The following GPR137C variants were observed in gnomAD, a reference collection of about 807,000 sequenced individuals.
The protein encoded by GPR137C is G protein-coupled receptor 137C.
In GPR137C, 27 loss-of-function variants were observed where a neutral mutation model predicts 43.4. That is an observed-to-expected ratio of 0.62 (90% CI 0.46 to 0.86). The LOEUF (loss-of-function observed/expected upper bound fraction) is 0.86. Ranked by LOEUF, GPR137C falls within the 40% of genes least tolerant of loss-of-function variation. GPR137C has a pLI of 0.00. For missense variants in GPR137C, 522 were observed against 534.6 expected, an observed-to-expected ratio of 0.98 and a Z score of 0.23; for synonymous variants, 285 against 226.9, an observed-to-expected ratio of 1.26 and a Z score of -2.30.
In GPR137C at chr14:52,561,198, A is replaced by G. The variant is rs79103649; in HGVS notation, c.444+7607A>G. Among the ~76,000 whole-genome samples, 727 of 152,268 alleles carry G rather than the reference A, an allele frequency of 4.8e-3. 14 individuals are homozygous for G. Among genetic ancestry groups the G allele is most frequent in the Admixed American group, 0.039 (599 of 15,290 alleles). ...ATTTAAAAGACTAACCACACCAACT[A>G]TTGGCCAAAATGTGGATTAATTGGA... On this transcript the variant is annotated intron_variant, in intron 1 of 6. Transcript: ENST00000321662.
intron 1 of GPR137C, among the ~76,000 whole-genome samples, chr14:52,560,552 A>G (rs2139435803): frequency 6.6e-6 from 1 of 152,348 alleles, no homozygotes; most frequent in Non-Finnish European, 1.5e-5. Flanking sequence ...GCTGGGGAAA[A>G]GATAGACATA....
At chr14:52,611,520 T>C in intron 3 of GPR137C, 1 of 354,700 alleles carries the variant, frequency 2.8e-6, no homozygotes, top group Non-Finnish European at 3.9e-6. Flanking sequence ...TACAACCTCC[T>C]TTTGTTATTT....
chr14:52,575,255 C>T (rs2038533659), intron 1 of GPR137C, among the ~76,000 whole-genome samples: 1 of 152,104 alleles, frequency 6.6e-6, no homozygotes, highest in South Asian at 2.1e-4. Context: ...AATACTTCTA[C>T]ATGGTAGCAT....
chr14:52,633,451 C>A, intron 4 of GPR137C, 79 bp from the exon 5 acceptor site: 1 of 1,258,110 alleles, frequency 7.9e-7, no homozygotes, highest in Non-Finnish European at 1.1e-6. Context: ...TCTTACCTGA[C>A]TTGAAACAAG....
At chr14:52,619,094 A>G (rs2139564717) in intron 3 of GPR137C, among the ~76,000 whole-genome samples, 1 of 152,306 alleles carries the variant, frequency 6.6e-6, no homozygotes, top group East Asian at 1.9e-4. Flanking sequence ...GTGTTCACTC[A>G]ATCCTTGATC....
intron 3 of GPR137C, chr14:52,611,685 C>T (rs1322908728): frequency 2.3e-6 from 1 of 437,388 alleles, no homozygotes; most frequent in African/African-American, 2.1e-5. Flanking sequence ...AAATTGTACA[C>T]TACATAGTAC....
intron 1 of GPR137C, among the ~76,000 whole-genome samples, chr14:52,594,630 T>G (rs189439719): frequency 1.3e-3 from 197 of 152,288 alleles, no homozygotes; most frequent in African/African-American, 4.6e-3. Flanking sequence ...TCAGAGACTA[T>G]GATTGCAACC....
In GPR137C at chr14:52,600,256, T is replaced by C. The variant is rs1360478236; in HGVS notation, c.632T>C (p.Leu211Pro). The C allele has an allele frequency of 6.2e-7, 1 of 1,613,646 alleles. No homozygotes were observed. Among genetic ancestry groups the C allele is most frequent in the Non-Finnish European group, 8.5e-7 (1 of 1,179,592 alleles). The change falls in exon 3 of 7, where the codon CTG becomes CCG. Residue 211 changes from leucine (L) to proline (P), a missense_variant. Transcript: ENST00000321662. Reference sequence around the variant, plus strand: ...GTTCGAGCATTAATTAATGATAGCCTGTTTATTCTTTGTGCCATCTCTTTA... The same window carrying C: ...GTTCGAGCATTAATTAATGATAGCCCGTTTATTCTTTGTGCCATCTCTTTA... Reference protein sequence around the residue: ...VFVRALINDSLFILCAISLVC... With the variant: ...VFVRALINDSPFILCAISLVC...
rs74801082 is a variant in GPR137C, at chr14:52,559,614, G to A, written c.444+6023G>A. ...TAGCTGATATTATACTTAAATATTG[G>A]CAGCATATTACCTAGGAGAAGAACA... On this transcript the variant is annotated intron_variant, in intron 1 of 6. Transcript: ENST00000321662. Among the ~76,000 whole-genome samples, 216 of 152,118 alleles carry A rather than the reference G, an allele frequency of 1.4e-3. 5 individuals are homozygous for A. The East Asian group carries it at 0.038, about 27-fold the overall frequency.
At chr14:52,569,586 G>A (rs2038432603) in intron 1 of GPR137C, among the ~76,000 whole-genome samples, 1 of 151,884 alleles carries the variant, frequency 6.6e-6, no homozygotes, top group Non-Finnish European at 1.5e-5. Flanking sequence ...AACCAGTTTA[G>A]AGAAGAACAT....
intron 1 of GPR137C, among the ~76,000 whole-genome samples, chr14:52,556,639 G>A (rs1171802953): frequency 2.0e-5 from 3 of 151,948 alleles, no homozygotes; most frequent in African/African-American, 4.8e-5. Context: ...GAGTTTTACC[G>A]GAGAAGACTT....
intron 1 of GPR137C, among the ~76,000 whole-genome samples, chr14:52,570,663 A>C (rs1183712609): frequency 1.3e-5 from 2 of 152,234 alleles, no homozygotes; most frequent in East Asian, 3.8e-4. Context: ...TTTACCAAGC[A>C]AATGGAAAGC....
intron 3 of GPR137C, among the ~76,000 whole-genome samples, chr14:52,615,285 G>T (rs1199588806): frequency 2.0e-5 from 3 of 152,044 alleles, no homozygotes; most frequent in African/African-American, 7.3e-5. Context: ...TTGGTTTCTG[G>T]GTTCTCTATT....
At chr14:52,590,419 T>A (rs577002333) in intron 1 of GPR137C, among the ~76,000 whole-genome samples, 31 of 152,286 alleles carry the variant, frequency 2.0e-4, no homozygotes, top group Non-Finnish European at 4.0e-4. Context: ...TGTTCATTTT[T>A]AAAAATAAAT....
chr14:52,604,774 A>G (rs1218712091), intron 3 of GPR137C, among the ~76,000 whole-genome samples: 2 of 152,152 alleles, frequency 1.3e-5, no homozygotes, highest in Non-Finnish European at 2.9e-5. Flanking sequence ...ATTCCTCTGC[A>G]TATGGATAAC....
intron 2 of GPR137C, 75 bp downstream of exon 2, chr14:52,598,390 C>A: frequency 3.3e-6 from 2 of 610,752 alleles, no homozygotes; most frequent in Non-Finnish European, 2.8e-6. Context: ...GGCTTAGTAT[C>A]TAAAAGATCT....
intron 1 of GPR137C, among the ~76,000 whole-genome samples, chr14:52,586,435 TAC>T (rs2139496185): frequency 6.6e-6 from 1 of 152,364 alleles, no homozygotes; most frequent in Non-Finnish European, 1.5e-5. Context: ...ACCAGTGACA[TAC>T]CAGTCACTCA....
intron 3 of GPR137C, chr14:52,612,020 C>T: frequency 1.0e-6 from 1 of 985,246 alleles, no homozygotes; most frequent in Non-Finnish European, 1.2e-6. Context: ...CTTTGGTAAA[C>T]TTTTTTGGTT....
chr14:52,590,130 G>C (rs895427593), intron 1 of GPR137C, among the ~76,000 whole-genome samples: 1 of 152,142 alleles, frequency 6.6e-6, no homozygotes, highest in African/African-American at 2.4e-5. Flanking sequence ...TGTGGAGTTA[G>C]AAGACAGTGA....
Sources: allele counts gnomAD v4.1 joint callset (sites outside exome capture counted in the v4.1 genomes callset), GRCh38; gene constraint gnomAD v4.1.1; transcripts MANE v1.5; gene names NCBI Gene and HGNC (gene_info 2026-07-23, HGNC 2026-07-21).